MYRIP: variants seen among roughly 807,000 people sequenced by gnomAD.
The protein encoded by MYRIP is rab effector MyRIP.
A neutral mutation model predicts 98.0 loss-of-function variants in MYRIP; 49 were observed. The ratio of observed to expected loss-of-function variants is 0.50; its 90% CI spans 0.40 to 0.63. The LOEUF is 0.63. MYRIP is among the 30% of genes least tolerant of loss of function. The probability of loss-of-function intolerance (pLI) is 0.00; values close to 1 mark genes in which losing one functional copy is unlikely to be tolerated. For synonymous variants in MYRIP, 404 were observed against 409.5 expected (o/e 0.99, Z 0.16); for missense variants, 1,004 against 1,058.2 (o/e 0.95, Z 0.71).
At chr3:39,826,138 T>A (rs1456914142) in intron 1 of MYRIP, among the ~76,000 whole-genome samples, 1 of 152,010 alleles carries the variant, frequency 6.6e-6, no homozygotes, top group Admixed American at 6.6e-5. Flanking sequence ...TTTTTTGTTA[T>A]CTATTGTATT....
intron 2 of MYRIP, among the ~76,000 whole-genome samples, chr3:40,022,363 G>A (rs1947017398): frequency 6.6e-6 from 1 of 152,168 alleles, no homozygotes; most frequent in Admixed American, 6.5e-5. Context: ...TAGAGACTTG[G>A]TAGAGAAGAT....
intron 11 of MYRIP, among the ~76,000 whole-genome samples, chr3:40,231,869 T>C (rs1245985007): frequency 6.6e-6 from 1 of 152,214 alleles, no homozygotes; most frequent in Non-Finnish European, 1.5e-5. Flanking sequence ...ACACGTTTTA[T>C]TCCTAATAAA....
chr3:40,049,817 A>G (rs1446537382), intron 3 of MYRIP, among the ~76,000 whole-genome samples: 1 of 152,292 alleles, frequency 6.6e-6, no homozygotes, highest in African/African-American at 2.4e-5. Context: ...TCCAGTGAAC[A>G]CATGAATGAT....
intron 3 of MYRIP, among the ~76,000 whole-genome samples, chr3:40,135,062 G>T (rs1319603780): frequency 2.6e-5 from 4 of 152,200 alleles, no homozygotes; most frequent in Admixed American, 6.5e-5. Flanking sequence ...AGAAAGGAAG[G>T]CTTCAGAAGA....
chr3:40,226,347 G>C (rs1340703991), intron 11 of MYRIP, among the ~76,000 whole-genome samples: 2 of 152,070 alleles, frequency 1.3e-5, no homozygotes, highest in Non-Finnish European at 2.9e-5. Context: ...CACCTTGCCA[G>C]CTCCCTCTTC....
At chr3:40,044,619 T>A (rs1476954393) in intron 3 of MYRIP, among the ~76,000 whole-genome samples, 1 of 152,190 alleles carries the variant, frequency 6.6e-6, no homozygotes, top group East Asian at 1.9e-4. Flanking sequence ...GGAATTATGC[T>A]GGGTGCAGGA....
At chr3:40,118,841 G>A (rs1417186239) in intron 3 of MYRIP, among the ~76,000 whole-genome samples, 1 of 151,852 alleles carries the variant, frequency 6.6e-6, no homozygotes, top group African/African-American at 2.4e-5. Context: ...CTATGAGTGA[G>A]AACGTGCGAT....
At chr3:40,022,533 C>A (rs1011208242) in intron 2 of MYRIP, among the ~76,000 whole-genome samples, 2 of 152,134 alleles carry the variant, frequency 1.3e-5, no homozygotes, top group African/African-American at 4.8e-5. Flanking sequence ...TCAAATGGCT[C>A]TGAGTATTCA....
At chr3:40,110,707 G>A (rs1949140363) in intron 3 of MYRIP, among the ~76,000 whole-genome samples, 1 of 152,106 alleles carries the variant, frequency 6.6e-6, no homozygotes, top group Admixed American at 6.5e-5. Flanking sequence ...ACATGTCCAA[G>A]GCTGGGACAT....
chr3:39,809,593 G>C (rs1454728186), upstream of MYRIP: 1 of 151,304 alleles, frequency 6.6e-6, no homozygotes, highest in African/African-American at 2.4e-5. Flanking sequence ...AGCAGGTGTC[G>C]GCGGTGGCTG....
intron 4 of MYRIP, among the ~76,000 whole-genome samples, chr3:40,153,517 A>G (rs897154075): frequency 2.6e-5 from 4 of 152,170 alleles, no homozygotes; most frequent in African/African-American, 9.7e-5. Flanking sequence ...AAACCTTCCA[A>G]TACCCCAAAT....
In MYRIP at chr3:40,084,949, G is replaced by A. The variant is rs867117120; in HGVS notation, c.332+40678G>A. ...GATAATATATATCTATGTGTTACAT[G>A]TCGATAGATAATATATATCTATGTG... On this transcript the variant is annotated intron_variant, in intron 3 of 16. Coordinates refer to ENST00000302541, the MANE Select transcript of MYRIP (RefSeq NM_015460.4). Among the ~76,000 whole-genome samples, 76 of 146,982 alleles carry A rather than the reference G, an allele frequency of 5.2e-4. 1 individual carries two copies. Among genetic ancestry groups the A allele is most frequent in the African/African-American group, 1.8e-3 (71 of 40,194 alleles).
chr3:40,176,926 GA>G (rs1950780530), intron 8 of MYRIP, among the ~76,000 whole-genome samples: 1 of 123,316 alleles, frequency 8.1e-6, no homozygotes, highest in Admixed American at 8.2e-5. Context: ...AAAAAAAAAA[GA>G]AAAGAAAAGA....
At chr3:40,068,522 T>C (rs1448519016) in intron 3 of MYRIP, among the ~76,000 whole-genome samples, 1 of 152,240 alleles carries the variant, frequency 6.6e-6, no homozygotes, top group East Asian at 1.9e-4. Flanking sequence ...GCAAAAATTA[T>C]TTAGCCCTGA....
intron 1 of MYRIP, among the ~76,000 whole-genome samples, chr3:39,876,508 C>T (rs2125637630): frequency 6.6e-6 from 1 of 152,194 alleles, no homozygotes. Context: ...TTTAGTGCTT[C>T]CTTCAGGAGC....
At chr3:39,945,965 T>A (rs1337520136) in intron 2 of MYRIP, among the ~76,000 whole-genome samples, 1 of 151,640 alleles carries the variant, frequency 6.6e-6, no homozygotes, top group Non-Finnish European at 1.5e-5. Context: ...CTATGGTGAT[T>A]GAGAAAATAG....
intron 10 of MYRIP, 98 bp from the exon 11 acceptor site, chr3:40,209,756 T>C (rs973106856): frequency 1.3e-6 from 2 of 1,496,790 alleles, no homozygotes; most frequent in African/African-American, 1.4e-5. Context: ...TCCTAGACTA[T>C]ATGTTCCTAT....
intron 4 of MYRIP, among the ~76,000 whole-genome samples, chr3:40,156,123 T>G (rs1254424481): frequency 1.3e-5 from 2 of 151,850 alleles, no homozygotes; most frequent in Non-Finnish European, 2.9e-5. Context: ...TTTATGGTTT[T>G]AGGTCTAACA....
intron 1 of MYRIP, among the ~76,000 whole-genome samples, chr3:39,889,424 C>G (rs948848189): frequency 2.0e-4 from 30 of 151,916 alleles, no homozygotes; most frequent in African/African-American, 6.8e-4. Context: ...TAAACTATGG[C>G]AAGAACAAAA....
Sources: gnomAD v4.1 joint callset for allele counts (sites outside exome capture counted in the v4.1 genomes callset) on GRCh38, gnomAD v4.1.1 for gene constraint, MANE v1.5 for transcripts, NCBI Gene and HGNC (gene_info 2026-07-23, HGNC 2026-07-21) for gene names.